Variants in SPAG9 observed in about 807,000 individuals in gnomAD.
SPAG9 encodes the protein C-Jun-amino-terminal kinase-interacting protein 4.
SPAG9 carries 35 observed loss-of-function variants against 166.5 expected under a neutral mutation model. The ratio of observed to expected loss-of-function variants is 0.21; its 90% CI spans 0.16 to 0.28. The LOEUF (loss-of-function observed/expected upper bound fraction) is 0.28. Among genes scored for constraint, SPAG9 ranks in the 10% least tolerant of loss-of-function variants. SPAG9 has a pLI of 1.00. For synonymous variants in SPAG9, 534 were observed against 565.5 expected (o/e 0.94, Z 0.79); for missense variants, 1,235 against 1,603.3 (o/e 0.77, Z 3.92).
At chr17:51,052,385 T>C (rs2047205652) in intron 3 of SPAG9, among the ~76,000 whole-genome samples, 1 of 152,184 alleles carries the variant, frequency 6.6e-6, no homozygotes, top group South Asian at 2.1e-4. Context: ...GACCCACATT[T>C]CAAAGCAGCC....
At chr17:51,053,854 AG>A (rs1258930428) in intron 3 of SPAG9, among the ~76,000 whole-genome samples, 2,961 of 34,260 alleles carry the variant, frequency 0.086, 164 homozygotes, top group Non-Finnish European at 0.1. Context: ...AAAAAAAAAA[AG>A]TATATATATA....
rs148810323 is a variant in SPAG9 at position 51,030,009 on chromosome 17, T to C, written c.783+1672A>G. Among the ~76,000 whole-genome samples, 198 of 152,334 alleles carry C rather than the reference T, an allele frequency of 1.3e-3. 1 individual carries two copies. Among genetic ancestry groups the C allele is most frequent in the African/African-American group, 4.5e-3 (188 of 41,586 alleles). On this transcript the variant is annotated intron_variant, in intron 6 of 29. Transcript: ENST00000262013. ...TACCACACACACAAAATAAACGTCA[T>C]TACTTTCAGTTTCACTTGAGATACT... is the stretch of plus-strand genomic sequence containing the variant.
intron 6 of SPAG9, among the ~76,000 whole-genome samples, chr17:51,025,038 G>A (rs2046100110): frequency 6.6e-6 from 1 of 150,838 alleles, no homozygotes; most frequent in Admixed American, 6.6e-5. Flanking sequence ...AAAAAAATTG[G>A]CCAGGTGCAG....
chr17:51,018,342 C>A (rs897888711), intron 8 of SPAG9, among the ~76,000 whole-genome samples: 50 of 151,262 alleles, frequency 3.3e-4, no homozygotes, highest in Admixed American at 1.5e-3. Context: ...CCAGCCTAGG[C>A]GACAGAGCAA....
At chr17:50,975,887 G>A in intron 27 of SPAG9, 1 of 1,535,660 alleles carries the variant, frequency 6.5e-7, no homozygotes, top group East Asian at 2.4e-5. Context: ...AAACGTCCCT[G>A]GTGGAGGATT....
intron 2 of SPAG9, among the ~76,000 whole-genome samples, chr17:51,077,868 C>T (rs2048061187): frequency 6.6e-6 from 1 of 151,986 alleles, no homozygotes; most frequent in African/African-American, 2.4e-5. Flanking sequence ...CCAGGCTGGT[C>T]TCGAAACCCT....
intron 3 of SPAG9, 22 bp from the exon 4 acceptor site, chr17:51,047,491 T>C: frequency 1.1e-6 from 1 of 886,890 alleles, no homozygotes; most frequent in Non-Finnish European, 1.7e-6. Context: ...AAAGAAAAAA[T>C]ACACAATATT....
chr17:51,120,519 C>T lies in SPAG9; in HGVS notation c.138G>A (p.Val46=). 6.2e-7 allele frequency: 1 copy of T among 1,614,002 alleles called. No individual in the cohort carries two copies. The highest frequency in any genetic ancestry group is 8.5e-7 in the Non-Finnish European group (1 of 1,179,904). Residue 46 remains valine, a synonymous_variant, in exon 1 of 30, where the codon GTG becomes GTA. Coordinates refer to ENST00000262013, the MANE Select transcript of SPAG9 (RefSeq NM_001130528.3). This position sits in a 1 kb window ranked among gnomAD's most constrained non-coding sequence, Gnocchi z 4.7. ...ERLIGRYDEE[V]VKELMPLVVA... Reference sequence around the variant, plus strand: ...CCACCAGCGGCATCAGCTCTTTGACCACCTCCTCGTCATAGCGCCCGATAA... The same window carrying T: ...CCACCAGCGGCATCAGCTCTTTGACTACCTCCTCGTCATAGCGCCCGATAA...
At chr17:51,054,359 G>A (rs1034994410) in intron 3 of SPAG9, among the ~76,000 whole-genome samples, 1 of 151,584 alleles carries the variant, frequency 6.6e-6, no homozygotes, top group Non-Finnish European at 1.5e-5. Flanking sequence ...CTGGGCTTAA[G>A]TGATCCGCTC....
rs147062465 is a variant in SPAG9 at position 51,032,688 on chromosome 17, C to G, written c.742-966G>C. 6.6e-3 allele frequency among the ~76,000 whole-genome samples: 998 copies of G among 152,138 alleles called. 8 individuals carry two copies. The highest frequency in any genetic ancestry group is 0.022 in the African/African-American group (932 of 41,510). On this transcript the variant is annotated intron_variant, in intron 5 of 29. Transcript: ENST00000262013. ...CAGTGGCACACACCTGTAATCCCAG[C>G]ACTTTGGGAGGCTAAGGCAGGTGGA...
chr17:51,065,881 A>C (rs987457038), intron 2 of SPAG9, among the ~76,000 whole-genome samples: 1 of 152,226 alleles, frequency 6.6e-6, no homozygotes, highest in African/African-American at 2.4e-5. Context: ...GAAGCTATAA[A>C]GGGGGAAATG....
chr17:51,100,248 A>G (rs1355432624), intron 1 of SPAG9, among the ~76,000 whole-genome samples: 3 of 152,198 alleles, frequency 2.0e-5, no homozygotes, highest in Non-Finnish European at 4.4e-5. Context: ...TAGGTTAAGG[A>G]TGGTTAAAAC....
At chr17:51,009,560 C>T (rs2045376478) in intron 9 of SPAG9, among the ~76,000 whole-genome samples, 1 of 152,186 alleles carries the variant, frequency 6.6e-6, no homozygotes, top group Non-Finnish European at 1.5e-5. Flanking sequence ...TCACCATCAC[C>T]TAAATGTGAC....
At chr17:51,040,958 A>T (rs549571919) in intron 5 of SPAG9, among the ~76,000 whole-genome samples, 1 of 152,314 alleles carries the variant, frequency 6.6e-6, no homozygotes, top group East Asian at 1.9e-4. Context: ...ATTATTGTTT[A>T]TATTTATCAC....
At chr17:51,029,543 A>G (rs1038789565) in intron 6 of SPAG9, among the ~76,000 whole-genome samples, 5 of 152,222 alleles carry the variant, frequency 3.3e-5, no homozygotes, top group Non-Finnish European at 5.9e-5. Flanking sequence ...TAAACAAAAT[A>G]TGGTGTACAC....
In SPAG9 at chr17:51,091,796, G is replaced by A. The variant is rs540183637; in HGVS notation, c.304-12092C>T. 8.6e-5 allele frequency among the ~76,000 whole-genome samples: 13 copies of A among 151,316 alleles called. No individual in the cohort carries two copies. The South Asian group carries it at 1.3e-3, about 15-fold the overall frequency. On this transcript the variant is annotated intron_variant, in intron 1 of 29. Transcript: ENST00000262013. ...TAAAGTGACTTCAGACAACTCTCCTGGGAGCAACTAGACACCGTTAAAAAA... is the reference window on the plus strand; with the variant it reads ...TAAAGTGACTTCAGACAACTCTCCTAGGAGCAACTAGACACCGTTAAAAAA...
intron 26 of SPAG9, among the ~76,000 whole-genome samples, chr17:50,978,593 C>A (rs1974356991): frequency 6.6e-6 from 1 of 152,104 alleles, no homozygotes. Context: ...CTGGTACGAT[C>A]ACAATAATGA....
intron 2 of SPAG9, among the ~76,000 whole-genome samples, chr17:51,077,049 T>TCTAGCTAGCTAGCTATCTAGCTAG (rs367746645): frequency 1.4e-5 from 1 of 71,648 alleles, no homozygotes; most frequent in South Asian, 4.1e-4. Flanking sequence ...TATCTAGCTA[T>TCTAGCTAGCTAGCTATCTAGCTAG]CTAGCTAGCT....
intron 10 of SPAG9, 132 bp from the exon 11 acceptor site, chr17:51,006,369 T>C (rs2045219646): frequency 1.2e-6 from 1 of 830,692 alleles, no homozygotes; most frequent in East Asian, 2.7e-5. Flanking sequence ...CTACCCAATG[T>C]TGTTTGTAGA....
Sources: gnomAD v4.1 joint callset for allele counts (sites outside exome capture counted in the v4.1 genomes callset) on GRCh38, gnomAD v4.1.1 for gene constraint, Gnocchi (gnomAD v3.1) non-coding constraint, MANE v1.5 for transcripts, NCBI Gene and HGNC (gene_info 2026-07-23, HGNC 2026-07-21) for gene names.